The following PDZD2 variants were observed in gnomAD, a reference collection of about 807,000 sequenced individuals.
PDZD2 encodes the protein PDZ domain containing 2, also known as PDZ domain-containing protein 2.
Under a neutral mutation model 220.7 loss-of-function variants are expected in PDZD2, and 90 were observed. That is an observed-to-expected ratio of 0.41 (90% CI 0.34 to 0.49). The LOEUF is 0.49. Among genes scored for constraint, PDZD2 ranks in the 20% least tolerant of loss-of-function variants. The probability of loss-of-function intolerance (pLI) is 0.28; values close to 1 mark genes in which losing one functional copy is unlikely to be tolerated. For missense variants in PDZD2, 3,174 were observed against 3,608.5 expected (o/e 0.88, Z 3.08); for synonymous variants, 1,375 against 1,450.5 (o/e 0.95, Z 1.18).
At chr5:31,655,479 T>A (rs893276586) in intron 1 of PDZD2, among the ~76,000 whole-genome samples, 8 of 152,162 alleles carry the variant, frequency 5.3e-5, no homozygotes, top group African/African-American at 1.7e-4. Context: ...CCTAGTTTTT[T>A]AATATATCAT....
chr5:31,942,973 CGGG>C (rs1561146196), intron 2 of PDZD2, among the ~76,000 whole-genome samples: 7 of 152,158 alleles, frequency 4.6e-5, no homozygotes, highest in Non-Finnish European at 7.3e-5. Flanking sequence ...GAGCCCAAGG[CGGG>C]TGGATCACCT....
intron 2 of PDZD2, among the ~76,000 whole-genome samples, chr5:31,931,134 T>C (rs1745249322): frequency 6.6e-6 from 1 of 152,178 alleles, no homozygotes; most frequent in African/African-American, 2.4e-5. Context: ...GCAATTCTCC[T>C]GTCTCAGCCT....
intron 10 of PDZD2, among the ~76,000 whole-genome samples, chr5:32,054,963 C>G (rs1294755603): frequency 6.6e-6 from 1 of 152,120 alleles, no homozygotes; most frequent in Non-Finnish European, 1.5e-5. Context: ...TTAAACCCAG[C>G]TTTGTGATTC....
chr5:31,974,902 C>A (rs1438482562), intron 2 of PDZD2, among the ~76,000 whole-genome samples: 1 of 152,048 alleles, frequency 6.6e-6, no homozygotes, highest in Non-Finnish European at 1.5e-5. Flanking sequence ...CATAGTGAGA[C>A]CGTGTCTCAG....
chr5:31,811,759 G>T (rs1409354371), intron 2 of PDZD2, among the ~76,000 whole-genome samples: 4 of 152,132 alleles, frequency 2.6e-5, no homozygotes, highest in Admixed American at 2.6e-4. Context: ...GGAGGCCAAG[G>T]CAGGTGGATC....
At chr5:31,724,243 A>G (rs901209356) in intron 1 of PDZD2, among the ~76,000 whole-genome samples, 14 of 152,138 alleles carry the variant, frequency 9.2e-5, no homozygotes, top group African/African-American at 3.1e-4. Context: ...GATGTTTTCT[A>G]TGTTCCAAAT....
At chr5:31,840,721 G>C in intron 2 of PDZD2, 1 of 778,130 alleles carries the variant, frequency 1.3e-6, no homozygotes, top group Non-Finnish European at 2.3e-6. Context: ...CTCTTGGCAA[G>C]AATCTTGCCC....
chr5:31,693,481 C>A (rs368480526), intron 1 of PDZD2, among the ~76,000 whole-genome samples: 3 of 152,068 alleles, frequency 2.0e-5, no homozygotes, highest in Admixed American at 6.6e-5. Context: ...ACCTCGTGAT[C>A]TGCCCACCTC....
Position 31,991,047 on chromosome 5 carries a change from T to C in PDZD2, c.979-4529T>C, listed in dbSNP as rs78578361. Among the ~76,000 whole-genome samples, 931 of 152,240 alleles carry C rather than the reference T, an allele frequency of 6.1e-3. 8 individuals carry two copies. The highest frequency in any genetic ancestry group is 0.022 in the African/African-American group (902 of 41,528). ...CAGGCAGGAATGACAGAGTGTTCCA[T>C]GAGAAAGACACTGGGCACCAGGAGA... On this transcript the variant is annotated intron_variant, in intron 3 of 24. Transcript: ENST00000438447.
At chr5:31,834,991 G>C (rs1756861646) in intron 2 of PDZD2, among the ~76,000 whole-genome samples, 1 of 151,878 alleles carries the variant, frequency 6.6e-6, no homozygotes, top group Admixed American at 6.6e-5. Context: ...TAAATAAGGA[G>C]TGATCAAAAA....
chr5:31,800,072 G>GCCA (rs1285066249), intron 2 of PDZD2, among the ~76,000 whole-genome samples: 3 of 151,964 alleles, frequency 2.0e-5, no homozygotes, highest in Admixed American at 6.6e-5. Flanking sequence ...TACCCACACG[G>GCCA]CCACCCACCA....
chr5:32,035,732 A>C (rs1755485498), intron 6 of PDZD2, among the ~76,000 whole-genome samples: 1 of 152,182 alleles, frequency 6.6e-6, no homozygotes, highest in African/African-American at 2.4e-5. Context: ...GATAACTGGT[A>C]AGAGAAAATG....
At chr5:31,721,040 G>A (rs1748760229) in intron 1 of PDZD2, among the ~76,000 whole-genome samples, 1 of 152,142 alleles carries the variant, frequency 6.6e-6, no homozygotes, top group African/African-American at 2.4e-5. Context: ...GGAGTGCGCT[G>A]CTTCCTATGC....
chr5:31,985,321 GAGA>G (rs1206401635), intron 3 of PDZD2, among the ~76,000 whole-genome samples: 1 of 152,150 alleles, frequency 6.6e-6, no homozygotes, highest in Non-Finnish European at 1.5e-5. Flanking sequence ...AAGGCACCAG[GAGA>G]AGGTTGAATC....
chr5:31,915,725 T>C (rs1181171146), intron 2 of PDZD2, among the ~76,000 whole-genome samples: 1 of 152,204 alleles, frequency 6.6e-6, no homozygotes, highest in Non-Finnish European at 1.5e-5. Flanking sequence ...ATTACTCTTT[T>C]CAGGTCTGTT....
chr5:31,734,466 C>T (rs905315124), intron 1 of PDZD2, among the ~76,000 whole-genome samples: 1 of 152,012 alleles, frequency 6.6e-6, no homozygotes, highest in African/African-American at 2.4e-5. Context: ...ATTACGGGCA[C>T]CCGCCACCAC....
intron 2 of PDZD2, among the ~76,000 whole-genome samples, chr5:31,938,418 A>G (rs1475685399): frequency 6.6e-6 from 1 of 152,202 alleles, no homozygotes; most frequent in Non-Finnish European, 1.5e-5. Flanking sequence ...TCCCAACAAT[A>G]GTAAAGAAAT....
At chr5:31,670,843 C>T (rs1435828249) in intron 1 of PDZD2, among the ~76,000 whole-genome samples, 1 of 152,120 alleles carries the variant, frequency 6.6e-6, no homozygotes, top group African/African-American at 2.4e-5. Context: ...AAAGGGTGTG[C>T]TCATGAGGCA....
chr5:31,765,327 A>G lies in PDZD2; in HGVS notation c.-360-33562A>G, dbSNP rs76838663. ...GGATGCTCTTCCTCCCTCCCAGAAC[A>G]TCGGTGACCACACTTCCCTCTAGTT... On this transcript the variant is annotated intron_variant, in intron 1 of 24. Transcript: ENST00000438447. Among the ~76,000 whole-genome samples, 1,006 of 152,262 alleles carry G rather than the reference A, an allele frequency of 6.6e-3. 10 individuals are homozygous for G. Among genetic ancestry groups the G allele is most frequent in the African/African-American group, 0.023 (970 of 41,554 alleles).
Sources: gnomAD v4.1 joint callset for allele counts (sites outside exome capture counted in the v4.1 genomes callset) on GRCh38, gnomAD v4.1.1 for gene constraint, MANE v1.5 for transcripts, NCBI Gene and HGNC (gene_info 2026-07-23, HGNC 2026-07-21) for gene names.